The following GNAQ variants were observed in gnomAD, a reference collection of about 807,000 sequenced individuals.
GNAQ encodes G protein subunit alpha q.
In GNAQ, 8 loss-of-function variants were observed where a neutral mutation model predicts 43.9. The observed-to-expected ratio is 0.18, with a 90% CI of 0.11 to 0.33. The LOEUF (loss-of-function observed/expected upper bound fraction) is 0.33, where lower values mean the gene tolerates loss of function less well. GNAQ is among the 10% of genes least tolerant of loss of function. GNAQ has a pLI of 1.00. For synonymous variants in GNAQ, 155 were observed against 170.7 expected (o/e 0.91, Z 0.71); for missense variants, 158 against 450.8 (o/e 0.35, Z 5.88).
chr9:77,919,826 C>T (rs1158913391), intron 2 of GNAQ, among the ~76,000 whole-genome samples: 1 of 152,106 alleles, frequency 6.6e-6, no homozygotes, highest in African/African-American at 2.4e-5. Flanking sequence ...TAGTATTCAA[C>T]ACAGTAATGT....
chr9:78,014,600 C>T (rs143700290), intron 1 of GNAQ, among the ~76,000 whole-genome samples: 1,616 of 152,018 alleles, frequency 0.011, 21 homozygotes, highest in African/African-American at 0.036. Flanking sequence ...AGCCAAACTC[C>T]GTCTCAAAAC....
At chr9:77,834,850 A>G (rs1372336808) in intron 2 of GNAQ, among the ~76,000 whole-genome samples, 1 of 152,244 alleles carries the variant, frequency 6.6e-6, no homozygotes, top group Non-Finnish European at 1.5e-5. Flanking sequence ...TGGAAAGGAA[A>G]ATAGTGAAGA....
intron 5 of GNAQ, among the ~76,000 whole-genome samples, chr9:77,754,558 T>C (rs1825868543): frequency 6.6e-6 from 1 of 152,204 alleles, no homozygotes; most frequent in African/African-American, 2.4e-5. Context: ...CTTAGGTGTA[T>C]TAACAGAATA....
intron 2 of GNAQ, among the ~76,000 whole-genome samples, chr9:77,838,058 C>T (rs1264615016): frequency 6.6e-6 from 1 of 150,850 alleles, no homozygotes; most frequent in East Asian, 2.0e-4. Flanking sequence ...CCATGTTGGT[C>T]AGGCTGGTCT....
At chr9:77,834,506 C>CTTT (rs35514699) in intron 2 of GNAQ, among the ~76,000 whole-genome samples, 1 of 150,784 alleles carries the variant, frequency 6.6e-6, no homozygotes, top group Non-Finnish European at 1.5e-5. Flanking sequence ...ACTATTCTTT[C>CTTT]TTTTTTTTTA....
intron 5 of GNAQ, among the ~76,000 whole-genome samples, chr9:77,732,386 G>A (rs1010707897): frequency 1.4e-5 from 2 of 139,454 alleles, no homozygotes; most frequent in Non-Finnish European, 1.6e-5. Context: ...CACCCCCACC[G>A]AGATGGTGTC....
At chr9:77,754,418 A>C (rs759460879) in intron 5 of GNAQ, among the ~76,000 whole-genome samples, 10 of 152,152 alleles carry the variant, frequency 6.6e-5, no homozygotes, top group Non-Finnish European at 1.3e-4. Flanking sequence ...TTTTATATGT[A>C]TTATCTCATT....
At chr9:78,026,063 G>A (rs890909882) in intron 1 of GNAQ, among the ~76,000 whole-genome samples, 1 of 151,966 alleles carries the variant, frequency 6.6e-6, no homozygotes, top group African/African-American at 2.4e-5. Context: ...AGCTGAGATG[G>A]TTTTCTTTTT....
At chr9:77,841,702 T>C (rs923705788) in intron 2 of GNAQ, among the ~76,000 whole-genome samples, 1 of 152,200 alleles carries the variant, frequency 6.6e-6, no homozygotes, top group African/African-American at 2.4e-5. Context: ...ATATGTAAAC[T>C]ATGCAACGCA....
intron 5 of GNAQ, among the ~76,000 whole-genome samples, chr9:77,750,563 C>T (rs947195008): frequency 1.3e-5 from 2 of 152,120 alleles, no homozygotes; most frequent in African/African-American, 4.8e-5. Context: ...CCATTCCAGC[C>T]AAATGGCACA....
intron 5 of GNAQ, among the ~76,000 whole-genome samples, chr9:77,767,286 C>T (rs1826151991): frequency 6.6e-6 from 1 of 152,090 alleles, no homozygotes; most frequent in Admixed American, 6.5e-5. Context: ...AGAGGTTCAG[C>T]AGCATCCCTG....
chr9:77,815,813 C>T, intron 2 of GNAQ, 43 bp from the exon 3 acceptor site: 2 of 1,451,042 alleles, frequency 1.4e-6, no homozygotes, highest in South Asian at 1.2e-5. Context: ...CTATTACTTT[C>T]CAAATTTTCT....
intron 5 of GNAQ, among the ~76,000 whole-genome samples, chr9:77,742,550 A>T (rs1315083757): frequency 6.6e-6 from 1 of 152,046 alleles, no homozygotes; most frequent in African/African-American, 2.4e-5. Flanking sequence ...ATTATGACCT[A>T]TTACTAAGTT....
chr9:77,725,853 G>C (rs1825389522), intron 6 of GNAQ, among the ~76,000 whole-genome samples: 1 of 152,144 alleles, frequency 6.6e-6, no homozygotes, highest in African/African-American at 2.4e-5. Context: ...CCTCAGAAGG[G>C]TTCACCTCCG....
chr9:77,772,215 CCTGA>C (rs1410362765), intron 5 of GNAQ, among the ~76,000 whole-genome samples: 2 of 152,198 alleles, frequency 1.3e-5, no homozygotes, highest in African/African-American at 4.8e-5. Context: ...CAATAATTCA[CCTGA>C]CTGTGATATC....
intron 2 of GNAQ, among the ~76,000 whole-genome samples, chr9:77,891,925 G>A (rs931259286): frequency 2.6e-5 from 4 of 152,004 alleles, no homozygotes; most frequent in African/African-American, 9.7e-5. Context: ...CCAGGTCATC[G>A]CCCCAGGCAT....
intron 1 of GNAQ, among the ~76,000 whole-genome samples, chr9:77,956,880 C>A (rs1011192808): frequency 6.6e-6 from 1 of 152,026 alleles, no homozygotes; most frequent in Non-Finnish European, 1.5e-5. Flanking sequence ...ATACAAAAAG[C>A]CAAATTCAAG....
intron 2 of GNAQ, among the ~76,000 whole-genome samples, chr9:77,877,914 G>T (rs1420563946): frequency 6.6e-6 from 1 of 152,070 alleles, no homozygotes; most frequent in Non-Finnish European, 1.5e-5. Context: ...TGCATTTTCA[G>T]TCCACTCCAC....
rs183921629 is a variant in GNAQ at position 77,793,042 on chromosome 9, C to A, written c.735+1421G>T. Reference sequence around the variant, plus strand: ...TATTTTTTTGTCTTGACACAACATTCAAAAAAATCAGAAGTGTTAGAATAG... The same window carrying A: ...TATTTTTTTGTCTTGACACAACATTAAAAAAAATCAGAAGTGTTAGAATAG... On this transcript the variant is annotated intron_variant, in intron 5 of 6. Transcript: ENST00000286548. 2.0e-3 allele frequency among the ~76,000 whole-genome samples: 305 copies of A among 151,894 alleles called. 1 individual carries two copies. Among genetic ancestry groups the A allele is most frequent in the Non-Finnish European group, 3.6e-3 (245 of 67,886 alleles).
Sources: allele counts gnomAD v4.1 joint callset (sites outside exome capture counted in the v4.1 genomes callset), GRCh38; gene constraint gnomAD v4.1.1; transcripts MANE v1.5; gene names NCBI Gene and HGNC (gene_info 2026-07-23, HGNC 2026-07-21).